NR3C2: variants seen among roughly 807,000 people sequenced by gnomAD.
NR3C2 encodes mineralocorticoid receptor.
In NR3C2, 15 loss-of-function variants were observed where a neutral mutation model predicts 86.4. The ratio of observed to expected loss-of-function variants is 0.17; its 90% confidence interval spans 0.12 to 0.27. The LOEUF (loss-of-function observed/expected upper bound fraction) is 0.27. Ranked by LOEUF, NR3C2 falls within the 10% of genes least tolerant of loss-of-function variation. The probability of loss-of-function intolerance (pLI) is 1.00; values close to 1 mark genes in which losing one functional copy is unlikely to be tolerated. For missense variants in NR3C2, 960 were observed against 1,195.6 expected (o/e 0.80, Z 2.91); for synonymous variants, 458 against 450.5 (o/e 1.02, Z -0.21).
intron 6 of NR3C2, among the ~76,000 whole-genome samples, chr4:148,135,396 T>C (rs1465089228): frequency 6.6e-6 from 1 of 152,080 alleles, no homozygotes; most frequent in Non-Finnish European, 1.5e-5. Flanking sequence ...CAAGGTGTTC[T>C]TTTCCTCTGG....
intron 3 of NR3C2, among the ~76,000 whole-genome samples, chr4:148,241,337 G>GAAAAAGAAAA (rs1483518616): frequency 9.9e-6 from 1 of 100,670 alleles, no homozygotes; most frequent in Non-Finnish European, 1.9e-5. Flanking sequence ...AAAAAAAGGG[G>GAAAAAGAAAA]AAAAATAAAA....
At chr4:148,145,328 G>A (rs1447860489) in intron 6 of NR3C2, among the ~76,000 whole-genome samples, 1 of 152,080 alleles carries the variant, frequency 6.6e-6, no homozygotes, top group Non-Finnish European at 1.5e-5. Context: ...CCCGGCATGC[G>A]GACAGCCCAC....
intron 6 of NR3C2, among the ~76,000 whole-genome samples, chr4:148,145,393 G>A (rs1367018783): frequency 2.0e-5 from 3 of 152,202 alleles, no homozygotes; most frequent in African/African-American, 4.8e-5. Flanking sequence ...GCATGCCAAC[G>A]TGTAAGACCC....
intron 4 of NR3C2, among the ~76,000 whole-genome samples, chr4:148,182,719 G>C (rs1472518607): frequency 6.6e-6 from 1 of 152,176 alleles, no homozygotes; most frequent in African/African-American, 2.4e-5. Context: ...TTGCCTACAG[G>C]GGACCTGCTG....
intron 4 of NR3C2, among the ~76,000 whole-genome samples, chr4:148,189,952 A>C (rs141889404): frequency 0.032 from 4,864 of 152,132 alleles, 105 homozygotes; most frequent in Middle Eastern, 0.058. Flanking sequence ...AATGTTGCTA[A>C]TGGTCTATCA....
chr4:148,235,988 T>C (rs1738731757), intron 3 of NR3C2, among the ~76,000 whole-genome samples: 1 of 152,254 alleles, frequency 6.6e-6, no homozygotes, highest in South Asian at 2.1e-4. Context: ...AGACGGCCAC[T>C]GCCAGCAGCA....
At chr4:148,081,999 C>T (rs907778145) in intron 8 of NR3C2, among the ~76,000 whole-genome samples, 5 of 152,200 alleles carry the variant, frequency 3.3e-5, no homozygotes, top group Admixed American at 6.5e-5. Flanking sequence ...TAACTGGGCC[C>T]GCCAATGGAG....
chr4:148,351,097 C>G (rs1449233604), intron 2 of NR3C2, among the ~76,000 whole-genome samples: 3 of 152,098 alleles, frequency 2.0e-5, no homozygotes, highest in Non-Finnish European at 4.4e-5. Context: ...CATATGCAAT[C>G]TAATCTTTTG....
At position 148,318,255 on chromosome 4, in the gene NR3C2, T is replaced by A. The variant is rs529083148; in HGVS notation, c.1758-58138A>T. 1.6e-3 allele frequency among the ~76,000 whole-genome samples: 244 copies of A among 151,598 alleles called. 1 individual carries two copies. Among genetic ancestry groups the A allele is most frequent in the African/African-American group, 5.5e-3 (227 of 41,264 alleles). Reference sequence around the variant, plus strand: ...ATTCCATGGTGTATATGTGCCACATTTTCTTAATCCAGTCTATCATTGTTG... The same window carrying A: ...ATTCCATGGTGTATATGTGCCACATATTCTTAATCCAGTCTATCATTGTTG... On this transcript the variant is annotated intron_variant, in intron 2 of 8. Coordinates refer to ENST00000358102, the MANE Select transcript of NR3C2 (RefSeq NM_000901.5).
chr4:148,175,062 T>G (rs894418984), intron 4 of NR3C2, among the ~76,000 whole-genome samples: 1 of 152,272 alleles, frequency 6.6e-6, no homozygotes, highest in African/African-American at 2.4e-5. Context: ...GCAAATACAT[T>G]AACTTGAAAC....
chr4:148,259,850 G>A, intron 3 of NR3C2, 128 bp downstream of exon 3: 1 of 1,233,064 alleles, frequency 8.1e-7, no homozygotes. Flanking sequence ...CACTATTACT[G>A]TTTATCACTG....
At chr4:148,442,534 A>T, upstream of NR3C2, 1 of 500,850 alleles carries the variant, frequency 2.0e-6, no homozygotes, top group Non-Finnish European at 2.6e-6. Context: ...AGCGGGTCAC[A>T]TGTCCAGATA....
chr4:148,203,492 T>C (rs1736836947), intron 3 of NR3C2, among the ~76,000 whole-genome samples: 1 of 151,986 alleles, frequency 6.6e-6, no homozygotes, highest in African/African-American at 2.4e-5. Flanking sequence ...AACAGCAGCC[T>C]GTGTTTGCAG....
chr4:148,361,517 CT>C (rs1315247162), intron 2 of NR3C2, among the ~76,000 whole-genome samples: 1 of 152,150 alleles, frequency 6.6e-6, no homozygotes, highest in Non-Finnish European at 1.5e-5. Context: ...TGAGATTGTC[CT>C]TTTCCATTCT....
intron 2 of NR3C2, among the ~76,000 whole-genome samples, chr4:148,321,205 T>A (rs1410544078): frequency 7.8e-6 from 1 of 128,246 alleles, no homozygotes; most frequent in Non-Finnish European, 1.8e-5. Context: ...AGATTCTTAA[T>A]CCTGAGTTCT....
Position 148,114,204 on chromosome 4 carries a change from A to C in NR3C2, c.2699T>G (p.Ile900Ser). 8 of 1,613,888 alleles carry C rather than the reference A, an allele frequency of 5.0e-6. No homozygotes were observed. Among genetic ancestry groups the C allele is most frequent in the Non-Finnish European group, 6.8e-6 (8 of 1,179,942 alleles). The change falls in exon 8 of 9, where the codon ATC (isoleucine) becomes AGC (serine). Residue 900 changes from isoleucine (I) to serine (S), a missense_variant. Coordinates refer to ENST00000358102, the MANE Select transcript of NR3C2 (RefSeq NM_000901.5). ...AAFEEMRTNY[I>S]KELRKMVTKC... ...AGTTACCATCTTCCTCAGTTCTTTG[A>C]TGTAATTTGTCCTCATTTCTTCAAA...
chr4:148,085,074 T>C (rs1486325602), intron 8 of NR3C2, among the ~76,000 whole-genome samples: 5 of 152,084 alleles, frequency 3.3e-5, no homozygotes, highest in Non-Finnish European at 5.9e-5. Context: ...AACACCCCAC[T>C]GTCAATATTA....
intron 2 of NR3C2, among the ~76,000 whole-genome samples, chr4:148,301,941 G>T (rs1742358245): frequency 6.6e-6 from 1 of 152,142 alleles, no homozygotes. Context: ...TTCCAAAATT[G>T]TATGGTATTT....
In NR3C2 at chr4:148,222,991, A is replaced by G. The variant is rs1306067510; in HGVS notation, c.1898-28129T>C. Reference sequence around the variant, plus strand: ...AGCAAGATATTAGTGGTAAAAAACCAAAACAAAACAAAAATGTGGTAAAGA... The same window carrying G: ...AGCAAGATATTAGTGGTAAAAAACCGAAACAAAACAAAAATGTGGTAAAGA... On this transcript the variant is annotated intron_variant, in intron 3 of 8. Coordinates refer to ENST00000358102, the MANE Select transcript of NR3C2 (RefSeq NM_000901.5). Among the ~76,000 whole-genome samples the G allele has an allele frequency of 2.6e-5, 4 of 152,226 alleles. No individual in the cohort carries two copies. In the East Asian group the frequency reaches 7.7e-4, roughly 29 times the overall value.
Sources: allele counts gnomAD v4.1 joint callset (sites outside exome capture counted in the v4.1 genomes callset), GRCh38; gene constraint gnomAD v4.1.1; transcripts MANE v1.5; gene names NCBI Gene and HGNC (gene_info 2026-07-23, HGNC 2026-07-21).